The following TEX9 variants were observed in gnomAD, a reference collection of about 807,000 sequenced individuals.
TEX9 encodes the protein testis expressed 9.
A neutral mutation model predicts 59.6 loss-of-function variants in TEX9; 74 were observed. The observed-to-expected ratio is 1.24, with a 90% CI of 1.03 to 1.51. TEX9 has a LOEUF of 1.51. TEX9 is among the 40% of genes most tolerant of loss of function. The pLI is 0.00. For synonymous variants in TEX9, 186 were observed against 152.2 expected (o/e 1.22, Z -1.64); for missense variants, 522 against 447.8 (o/e 1.17, Z -1.49).
chr15:56,448,560 A>G (rs762621797), downstream of TEX9, among the ~76,000 whole-genome samples: 10 of 152,160 alleles, frequency 6.6e-5, no homozygotes, highest in Non-Finnish European at 1.2e-4. Flanking sequence ...TGCAAAGGAC[A>G]TAATTTCATT....
intron 1 of TEX9, among the ~76,000 whole-genome samples, chr15:56,351,076 T>C (rs1300356320): frequency 6.6e-6 from 1 of 152,212 alleles, no homozygotes; most frequent in Non-Finnish European, 1.5e-5. Flanking sequence ...ACAAATAATG[T>C]TTTCCGTGTC....
intron 12 of TEX9, among the ~76,000 whole-genome samples, chr15:56,435,967 G>T (rs926100337): frequency 1.3e-5 from 2 of 151,960 alleles, no homozygotes; most frequent in Non-Finnish European, 2.9e-5. Context: ...GTTTATTACA[G>T]GGATGCAAGA....
chr15:56,358,468 T>A (rs919448164), intron 1 of TEX9, among the ~76,000 whole-genome samples: 1 of 151,926 alleles, frequency 6.6e-6, no homozygotes, highest in Admixed American at 6.6e-5. Flanking sequence ...TTTTTAGAAG[T>A]TTTACATTTG....
intron 1 of TEX9, among the ~76,000 whole-genome samples, chr15:56,299,465 A>G (rs1182231855): frequency 2.0e-5 from 3 of 152,182 alleles, no homozygotes; most frequent in Non-Finnish European, 4.4e-5. Flanking sequence ...GGCCACAAGG[A>G]CTAGAATTCC....
At chr15:56,251,939 C>T (rs1173496657) in intron 1 of TEX9, among the ~76,000 whole-genome samples, 2 of 152,142 alleles carry the variant, frequency 1.3e-5, no homozygotes, top group African/African-American at 4.8e-5. Context: ...GCTCTAGCAA[C>T]TGAATTATCT....
intron 1 of TEX9, among the ~76,000 whole-genome samples, chr15:56,273,456 T>G (rs2044596841): frequency 6.6e-6 from 1 of 152,254 alleles, no homozygotes; most frequent in Non-Finnish European, 1.5e-5. Flanking sequence ...TCTATCATTT[T>G]CTTATATTTC....
intron 7 of TEX9, 38 bp downstream of exon 7, chr15:56,391,456 C>T (rs760979608): frequency 1.5e-6 from 2 of 1,319,948 alleles, no homozygotes; most frequent in South Asian, 3.8e-5. Context: ...ATCTTTATAG[C>T]ACAGTTACTT....
At chr15:56,350,696 T>C (rs540710366) in intron 1 of TEX9, among the ~76,000 whole-genome samples, 30 of 152,220 alleles carry the variant, frequency 2.0e-4, no homozygotes, top group African/African-American at 7.0e-4. Flanking sequence ...AATATCATAC[T>C]TTTTTTTATT....
At chr15:56,412,162 C>T (rs2049384752) in intron 9 of TEX9, 140 bp from the exon 10 acceptor site, 1 of 709,486 alleles carries the variant, frequency 1.4e-6, no homozygotes, top group Admixed American at 3.5e-5. Flanking sequence ...TGTTCAGCCT[C>T]TACCCCCAAG....
At chr15:56,262,568 T>C (rs752370710) in intron 1 of TEX9, among the ~76,000 whole-genome samples, 3 of 152,218 alleles carry the variant, frequency 2.0e-5, no homozygotes, top group Non-Finnish European at 4.4e-5. Context: ...AAAAGAACTG[T>C]ATTTTACAGT....
intron 12 of TEX9, chr15:56,444,650 T>C: frequency 6.2e-7 from 1 of 1,609,290 alleles, no homozygotes. Context: ...CCATCATGGT[T>C]TTGGCTATTT....
chr15:56,311,958 G>C (rs1162699157), intron 1 of TEX9, among the ~76,000 whole-genome samples: 1 of 149,414 alleles, frequency 6.7e-6, no homozygotes, highest in Non-Finnish European at 1.5e-5. Context: ...AGAAGTGTCT[G>C]TTCATGTCCT....
At chr15:56,279,450 C>G (rs1226145320) in intron 1 of TEX9, among the ~76,000 whole-genome samples, 1 of 152,130 alleles carries the variant, frequency 6.6e-6, no homozygotes, top group Non-Finnish European at 1.5e-5. Context: ...CTGGTTCAAA[C>G]AAGAATTTGA....
chr15:56,455,843 A>C, the TEX9 span, among the ~76,000 whole-genome samples: 5 of 152,202 alleles, frequency 3.3e-5, no homozygotes, highest in Non-Finnish European at 7.4e-5. Context: ...AAACAACTGA[A>C]GGAACAAGGG....
chr15:56,429,448 T>TTCTACAAGTTC (rs1161884907), intron 12 of TEX9: 3 of 333,980 alleles, frequency 9.0e-6, no homozygotes, highest in Non-Finnish European at 1.1e-5. Flanking sequence ...ATCTGAGCTC[T>TTCTACAAGTTC]TCTACAAGTT....
At chr15:56,415,628 T>C (rs1183678409) in intron 10 of TEX9, among the ~76,000 whole-genome samples, 1 of 151,928 alleles carries the variant, frequency 6.6e-6, no homozygotes. Flanking sequence ...TACCATGTGC[T>C]GTTTTGGTTA....
chr15:56,452,636 AG>A, the TEX9 span, among the ~76,000 whole-genome samples: 1 of 151,162 alleles, frequency 6.6e-6, no homozygotes, highest in South Asian at 2.1e-4. Context: ...ATCCTGCCTC[AG>A]CCTCCCAAGT....
At chr15:56,301,945 G>C (rs1452138910) in intron 1 of TEX9, among the ~76,000 whole-genome samples, 1 of 152,098 alleles carries the variant, frequency 6.6e-6, no homozygotes, top group African/African-American at 2.4e-5. Context: ...TGAGTAGAAA[G>C]ACTGAAAGAA....
chr15:56,409,383 G>A (rs575288972), intron 9 of TEX9, among the ~76,000 whole-genome samples: 3 of 152,176 alleles, frequency 2.0e-5, no homozygotes, highest in South Asian at 2.1e-4. Context: ...TATGTCACTC[G>A]GCTGAAACCA....
Sources: gnomAD v4.1 joint callset for allele counts (sites outside exome capture counted in the v4.1 genomes callset) on GRCh38, gnomAD v4.1.1 for gene constraint, MANE v1.5 for transcripts, NCBI Gene and HGNC (gene_info 2026-07-23, HGNC 2026-07-21) for gene names.